Variants in TESC observed in about 807,000 individuals in gnomAD.
TESC encodes tescalcin.
TESC carries 19 observed loss-of-function variants against 31.0 expected under a neutral mutation model. That is an observed-to-expected ratio of 0.61 (90% CI 0.43 to 0.90). The LOEUF is 0.90. Among genes scored for constraint, TESC ranks in the 40% least tolerant of loss-of-function variants. TESC has a pLI of 0.00. For synonymous variants in TESC, 109 were observed against 114.8 expected (o/e 0.95, Z 0.32); for missense variants, 248 against 303.8 (o/e 0.82, Z 1.36).
At chr12:117,072,652 G>A (rs1380358859) in intron 2 of TESC, among the ~76,000 whole-genome samples, 1 of 152,226 alleles carries the variant, frequency 6.6e-6, no homozygotes, top group East Asian at 1.9e-4. Context: ...TTACAGGGCT[G>A]GGGGCTCCAC....
At chr12:117,073,265 G>A (rs10744889) in intron 2 of TESC, among the ~76,000 whole-genome samples, 74,864 of 152,066 alleles carry the variant, frequency 0.49, 19,028 homozygotes, top group African/African-American at 0.62. Flanking sequence ...TGGCCATGGC[G>A]ATTGGCTCAG....
At chr12:117,048,174 CG>C (rs1954596002) in intron 4 of TESC, among the ~76,000 whole-genome samples, 1 of 152,186 alleles carries the variant, frequency 6.6e-6, no homozygotes, top group African/African-American at 2.4e-5. Context: ...TCAAAGCTCA[CG>C]GAAGTTAAGG....
Position 117,038,935 on chromosome 12 carries a change from C to A in TESC, c.*198G>T, listed in dbSNP as rs919590542. On this transcript the variant is annotated 3_prime_UTR_variant, in exon 8 of 8. Transcript: ENST00000335209. The stretch of plus-strand genomic sequence containing the variant: ...GACAGAGGCCACATTAATTAACAAA[C>A]CTTTTTTTTTTTTTTATTGGAGATA... 4.0e-5 allele frequency: 22 copies of A among 555,768 alleles called. No individual in the cohort carries two copies. Among genetic ancestry groups the A allele is most frequent in the Non-Finnish European group, 4.7e-5 (15 of 318,518 alleles). The allele number at this position is 555,768 out of a possible 1,614,324, so 34.4% of individuals were successfully genotyped here.
At chr12:117,053,847 G>A (rs1042436154) in intron 3 of TESC, 7 of 152,412 alleles carry the variant, frequency 4.6e-5, no homozygotes, top group Admixed American at 3.9e-4. Context: ...CCAACTCTAG[G>A]TGCCCTGTCA....
At chr12:117,075,161 A>G in intron 2 of TESC, 110 bp downstream of exon 2, 1 of 1,167,406 alleles carries the variant, frequency 8.6e-7, no homozygotes. Context: ...TAAATAAAAA[A>G]TAAAAAGAAA....
chr12:117,081,493 C>T lies in TESC; in HGVS notation c.59-6153G>A, dbSNP rs1050250223. 5.3e-5 allele frequency among the ~76,000 whole-genome samples: 8 copies of T among 152,210 alleles called. No homozygotes were observed. In the East Asian group the frequency reaches 9.6e-4, roughly 18 times the overall value. The stretch of plus-strand genomic sequence containing the variant: ...TCACATTATTATTTGTGTTGGGCAG[C>T]GTTGGTATATACCCTTTGAATCAGA... On this transcript the variant is annotated intron_variant, in intron 1 of 7. Transcript: ENST00000335209.
Position 117,097,456 on chromosome 12 carries a change from C to G in TESC, c.58+1769G>C, listed in dbSNP as rs1005067132. ...AATTCCCGAGTGCCCCGTGGGCTGC[C>G]GGAGAGCCCACCCTTCCAACGGGGA... On this transcript the variant is annotated intron_variant, in intron 1 of 7. Transcript: ENST00000335209. 3.3e-5 allele frequency among the ~76,000 whole-genome samples: 5 copies of G among 152,228 alleles called. No individual in the cohort carries two copies. In the South Asian group the frequency reaches 1.0e-3, roughly 32 times the overall value.
At chr12:117,070,020 G>A (rs917452809) in intron 2 of TESC, among the ~76,000 whole-genome samples, 7 of 152,200 alleles carry the variant, frequency 4.6e-5, no homozygotes, top group African/African-American at 1.4e-4. Context: ...GGTGCCAGGG[G>A]CCTTCACTAG....
At chr12:117,077,339 T>G (rs1050179443) in intron 1 of TESC, among the ~76,000 whole-genome samples, 5 of 152,250 alleles carry the variant, frequency 3.3e-5, no homozygotes, top group African/African-American at 9.6e-5. Context: ...TTTCTACCTT[T>G]CTGCAGGGAA....
At chr12:117,044,724 C>A (rs1055031912) in intron 6 of TESC, among the ~76,000 whole-genome samples, 1 of 152,206 alleles carries the variant, frequency 6.6e-6, no homozygotes. Flanking sequence ...TGGTGAAACC[C>A]CGTCTCTGCT....
intron 3 of TESC, among the ~76,000 whole-genome samples, chr12:117,052,600 T>C (rs1034169435): frequency 1.3e-5 from 2 of 152,158 alleles, no homozygotes; most frequent in East Asian, 1.9e-4. Context: ...CAGGGACCTA[T>C]AGGGGAGGCT....
At chr12:117,052,496 C>T (rs778015716) in intron 3 of TESC, among the ~76,000 whole-genome samples, 1 of 152,142 alleles carries the variant, frequency 6.6e-6, no homozygotes, top group Non-Finnish European at 1.5e-5. Context: ...TTAAAATCAT[C>T]CCCTCCCTCA....
At chr12:117,042,118 G>T in intron 6 of TESC, 124 bp from the exon 7 acceptor site, 1 of 974,524 alleles carries the variant, frequency 1.0e-6, no homozygotes, top group Non-Finnish European at 1.5e-6. Flanking sequence ...AGGCTGTTTG[G>T]GAGGAATCAC....
At chr12:117,092,017 T>C (rs989194724) in intron 1 of TESC, among the ~76,000 whole-genome samples, 1 of 152,176 alleles carries the variant, frequency 6.6e-6, no homozygotes, top group Non-Finnish European at 1.5e-5. Context: ...GAGTCTGGAT[T>C]CCCTACCCAG....
rs76827911 is a variant in TESC, at chr12:117,042,945, T to C, written c.520-951A>G. On this transcript the variant is annotated intron_variant, in intron 6 of 7. Transcript: ENST00000335209. Reference sequence around the variant, plus strand: ...GTCAAGGTCATCGCCAAGGTCTGATTGCAAAAATTGAAAAAGCTGCAACCT... The same window carrying C: ...GTCAAGGTCATCGCCAAGGTCTGATCGCAAAAATTGAAAAAGCTGCAACCT... 9.1e-3 allele frequency among the ~76,000 whole-genome samples: 1,381 copies of C among 152,210 alleles called. 61 individuals are homozygous for C. In the South Asian group the frequency reaches 0.12, roughly 14 times the overall value.
chr12:117,047,093 T>G (rs1954579357), intron 4 of TESC, among the ~76,000 whole-genome samples: 1 of 152,192 alleles, frequency 6.6e-6, no homozygotes, highest in Non-Finnish European at 1.5e-5. Flanking sequence ...CCTCGTGGCC[T>G]TAGGAGGGCT....
At chr12:117,049,721 T>C (rs1170953490) in intron 3 of TESC, among the ~76,000 whole-genome samples, 1 of 151,958 alleles carries the variant, frequency 6.6e-6, no homozygotes, top group Non-Finnish European at 1.5e-5. Flanking sequence ...GCCAACATGA[T>C]GACACCACGC....
At chr12:117,089,477 C>A (rs1050948575) in intron 1 of TESC, among the ~76,000 whole-genome samples, 3 of 152,104 alleles carry the variant, frequency 2.0e-5, no homozygotes, top group African/African-American at 7.2e-5. Context: ...AAAGGAATAG[C>A]ACTCCAAGAA....
chr12:117,049,316 C>A (rs906390320), intron 3 of TESC, among the ~76,000 whole-genome samples, 158 bp from the exon 4 acceptor site: 1 of 152,220 alleles, frequency 6.6e-6, no homozygotes, highest in East Asian at 1.9e-4. Flanking sequence ...TGCTTCGTGG[C>A]GGGGCTGCAG....
Sources: gnomAD v4.1 joint callset for allele counts (sites outside exome capture counted in the v4.1 genomes callset) on GRCh38, gnomAD v4.1.1 for gene constraint, MANE v1.5 for transcripts, NCBI Gene and HGNC (gene_info 2026-07-23, HGNC 2026-07-21) for gene names.